The following DOCK10 variants were observed in gnomAD, a reference collection of about 807,000 sequenced individuals.
DOCK10 encodes dedicator of cytokinesis 10, also known as dedicator of cytokinesis protein 10.
Under a neutral mutation model 280.1 loss-of-function variants are expected in DOCK10, and 145 were observed. The observed-to-expected ratio is 0.52, with a 90% CI of 0.45 to 0.59. The LOEUF (loss-of-function observed/expected upper bound fraction) is 0.59, where lower values mean the gene tolerates loss of function less well. DOCK10 is among the 20% of genes least tolerant of loss of function. The pLI is 0.00. For synonymous variants in DOCK10, 915 were observed against 942.2 expected, an observed-to-expected ratio of 0.97 and a Z score of 0.53; for missense variants, 2,368 against 2,651.7, an observed-to-expected ratio of 0.89 and a Z score of 2.35.
chr2:224,814,480 G>A (rs754498640), intron 30 of DOCK10, 116 bp from the exon 31 acceptor site: 33 of 490,632 alleles, frequency 6.7e-5, no homozygotes, highest in Non-Finnish European at 7.4e-5. Flanking sequence ...AAAAATGTGA[G>A]TCTTCAGTAT....
At chr2:224,824,257 T>G (rs1318279530) in intron 27 of DOCK10, among the ~76,000 whole-genome samples, 1 of 152,018 alleles carries the variant, frequency 6.6e-6, no homozygotes, top group Non-Finnish European at 1.5e-5. Flanking sequence ...CAGTGGGACC[T>G]CACAAGTCAA....
intron 1 of DOCK10, among the ~76,000 whole-genome samples, chr2:225,008,660 T>C (rs1211437795): frequency 6.6e-6 from 1 of 152,132 alleles, no homozygotes; most frequent in Non-Finnish European, 1.5e-5. Context: ...ACAGAGTTGC[T>C]GGGATTGTGA....
intron 15 of DOCK10, among the ~76,000 whole-genome samples, chr2:224,855,470 AAGTGGAT>A (rs1697060610): frequency 4.6e-5 from 7 of 152,178 alleles, no homozygotes; most frequent in Admixed American, 3.3e-4. Flanking sequence ...TACAATCGCT[AAGTGGAT>A]GGTCCATATT....
Position 224,765,764 on chromosome 2 carries a change from G to A in DOCK10, c.6518C>T (p.Pro2173Leu), listed in dbSNP as rs368600276. The part of the protein sequence containing the change: ...TCTRVISKAT[P>L]ALPTVSISSS... Reference sequence around the variant, plus strand: ...TGAGATGGAGACCGTGGGTAGGGCCGGAGTTGCTTTGCTAATTACTCGAGT... The same window carrying A: ...TGAGATGGAGACCGTGGGTAGGGCCAGAGTTGCTTTGCTAATTACTCGAGT... The change falls in exon 56 of 56, where the codon CCG becomes CTG. Residue 2173 changes from proline (P) to leucine (L), a missense_variant. Physicochemically the swap from Pro to Leu is moderately conservative, Grantham distance 98. Around this residue, in one of 2 missense-constraint regions of DOCK10, gnomAD observed 1,159 missense variants for 1,400.8 expected, o/e 0.83. Coordinates refer to ENST00000258390, the MANE Select transcript of DOCK10 (RefSeq NM_014689.3). The A allele has an allele frequency of 3.0e-5, 49 of 1,613,850 alleles. No homozygotes were observed. Among genetic ancestry groups the A allele is most frequent in the Admixed American group, 1.3e-4 (8 of 60,000 alleles).
intron 1 of DOCK10, among the ~76,000 whole-genome samples, chr2:224,995,353 T>G (rs896130736): frequency 2.0e-5 from 3 of 152,256 alleles, no homozygotes. Context: ...AGTCTCACTG[T>G]AGACACCCAC....
intron 1 of DOCK10, among the ~76,000 whole-genome samples, chr2:224,964,672 G>A (rs1453176191): frequency 6.6e-6 from 1 of 151,976 alleles, no homozygotes; most frequent in East Asian, 1.9e-4. Flanking sequence ...GCCTGGCGTG[G>A]CCTTTGAATA....
At position 225,035,588 on chromosome 2, in the gene DOCK10, A is replaced by ATG. The variant is rs1559987127; in HGVS notation, c.123+6663_123+6664insCA. Reference sequence around the variant, plus strand: ...TATATATATATATATATATATATATAACACTGAATCAGTGTTAATTGTGTG... The same window carrying ATG: ...TATATATATATATATATATATATATATGACACTGAATCAGTGTTAATTGTGTG... On this transcript the variant is annotated intron_variant, in intron 1 of 55. Coordinates refer to ENST00000258390, the MANE Select transcript of DOCK10 (RefSeq NM_014689.3). Among the ~76,000 whole-genome samples, 2 of 113,000 alleles carry ATG rather than the reference A, an allele frequency of 1.8e-5. 1 individual carries two copies. The highest frequency in any genetic ancestry group is 3.4e-5 in the Non-Finnish European group (2 of 58,040). 74.1% of individuals were successfully genotyped at this position (113,000 alleles called of 152,430 possible).
intron 50 of DOCK10, chr2:224,784,698 G>A: frequency 7.8e-7 from 1 of 1,289,090 alleles, no homozygotes; most frequent in Non-Finnish European, 1.0e-6. Flanking sequence ...AGGGGTGTTA[G>A]AGCATGCAAA....
chr2:224,853,264 A>C, intron 16 of DOCK10, 142 bp from the exon 17 acceptor site: 2 of 582,708 alleles, frequency 3.4e-6, no homozygotes, highest in Admixed American at 3.8e-5. Context: ...CGCTAGCATG[A>C]AAAATTTGTA....
In DOCK10 at chr2:224,803,380, CTT is replaced by C. The variant is rs141028601; in HGVS notation, c.4268+730_4268+731del. Among the ~76,000 whole-genome samples, 1,288 of 152,092 alleles carry C rather than the reference CTT, an allele frequency of 8.5e-3. 20 individuals carry two copies. Among genetic ancestry groups the C allele is most frequent in the African/African-American group, 0.029 (1,202 of 41,488 alleles). ...TATGATTTATTCGCTATGTACGACT[CTT>C]ATATTTCTTTCTAAAACCCTTTCTA... is the stretch of plus-strand genomic sequence containing the variant. On this transcript the variant is annotated intron_variant, in intron 39 of 55. Transcript: ENST00000258390.
intron 11 of DOCK10, among the ~76,000 whole-genome samples, chr2:224,870,859 C>T (rs1698233673): frequency 8.6e-6 from 1 of 116,222 alleles, no homozygotes; most frequent in South Asian, 3.0e-4. Flanking sequence ...CGGAGTCTCA[C>T]TGTGTCACCC....
At chr2:225,037,426 G>A (rs1160470896) in intron 1 of DOCK10, among the ~76,000 whole-genome samples, 1 of 152,098 alleles carries the variant, frequency 6.6e-6, no homozygotes, top group Admixed American at 6.5e-5. Context: ...CTGCATCTTG[G>A]ATAGATCAAA....
chr2:224,892,005 T>C (rs1176943969), intron 4 of DOCK10, among the ~76,000 whole-genome samples: 2 of 152,056 alleles, frequency 1.3e-5, no homozygotes, highest in East Asian at 3.8e-4. Flanking sequence ...TATCAGAAAA[T>C]AAGTTCCTGA....
intron 1 of DOCK10, among the ~76,000 whole-genome samples, chr2:224,986,285 T>A (rs1352357390): frequency 6.6e-6 from 1 of 152,194 alleles, no homozygotes; most frequent in Non-Finnish European, 1.5e-5. Context: ...CCTAACAAAA[T>A]CAGCCTCAAG....
chr2:224,958,824 T>C (rs1294160740), intron 1 of DOCK10, among the ~76,000 whole-genome samples: 1 of 152,208 alleles, frequency 6.6e-6, no homozygotes, highest in Admixed American at 6.5e-5. Context: ...AATTACCAAT[T>C]TGATGTTGTG....
intron 4 of DOCK10, among the ~76,000 whole-genome samples, chr2:224,888,423 TGA>T (rs1259479911): frequency 6.6e-6 from 1 of 151,930 alleles, no homozygotes; most frequent in Non-Finnish European, 1.5e-5. Flanking sequence ...TGAATATATA[TGA>T]GTGTATGTAT....
intron 1 of DOCK10, among the ~76,000 whole-genome samples, chr2:224,941,483 G>T (rs1306200970): frequency 6.6e-6 from 1 of 152,184 alleles, no homozygotes; most frequent in African/African-American, 2.4e-5. Flanking sequence ...GAAGGCTGGG[G>T]CTGGTATAAT....
chr2:224,983,799 A>G (rs765248860), intron 1 of DOCK10: 2 of 470,974 alleles, frequency 4.2e-6, no homozygotes, highest in South Asian at 3.1e-5. Flanking sequence ...TTGAGCAAAC[A>G]TATTTTAGTG....
At chr2:224,957,157 G>A (rs898899281) in intron 1 of DOCK10, among the ~76,000 whole-genome samples, 2 of 152,036 alleles carry the variant, frequency 1.3e-5, no homozygotes, top group Admixed American at 6.5e-5. Context: ...CAAACTCCCC[G>A]CCCTCTGCTG....
Sources: gnomAD v4.1 joint callset for allele counts (sites outside exome capture counted in the v4.1 genomes callset) on GRCh38, gnomAD v4.1.1 for gene constraint, gnomAD v4.1.1 regional missense constraint, MANE v1.5 for transcripts, NCBI Gene and HGNC (gene_info 2026-07-23, HGNC 2026-07-21) for gene names.